The following RECQL5 variants were observed in gnomAD, a reference collection of about 807,000 sequenced individuals.
RECQL5 encodes the protein ATP-dependent DNA helicase Q5.
Under a neutral mutation model 103.4 loss-of-function variants are expected in RECQL5, and 88 were observed. The observed-to-expected ratio is 0.85, with a 90% CI of 0.72 to 1.02. RECQL5 has a LOEUF of 1.02. RECQL5 is among the 50% of genes least tolerant of loss of function. RECQL5 has a pLI of 0.00. For synonymous variants in RECQL5, 552 were observed against 507.9 expected, an observed-to-expected ratio of 1.09 and a Z score of -1.17; for missense variants, 1,232 against 1,284.3, an observed-to-expected ratio of 0.96 and a Z score of 0.62.
chr17:75,663,030 T>G (rs1568286546), intron 3 of RECQL5, 33 bp from the exon 4 acceptor site: 1 of 1,545,070 alleles, frequency 6.5e-7, no homozygotes, highest in Non-Finnish European at 8.7e-7. Flanking sequence ...TAACTGGCCC[T>G]CAGGACTCAG....
chr17:75,644,684 C>T (rs368582370), intron 8 of RECQL5, among the ~76,000 whole-genome samples: 3 of 152,142 alleles, frequency 2.0e-5, no homozygotes, highest in African/African-American at 7.2e-5. Context: ...TTCCTCCCAA[C>T]CGGGCATGGT....
intron 7 of RECQL5, 75 bp downstream of exon 7, chr17:75,658,223 G>T: frequency 6.7e-7 from 1 of 1,503,002 alleles, no homozygotes. Context: ...AGCATCATCA[G>T]AGTTCAGAAA....
At chr17:75,666,277 C>T (rs1246649215) in intron 2 of RECQL5, 151 bp downstream of exon 2, 7 of 919,966 alleles carry the variant, frequency 7.6e-6, no homozygotes, top group Non-Finnish European at 9.7e-6. Flanking sequence ...AACAAATAAA[C>T]GAAACTACAA....
intron 8 of RECQL5, among the ~76,000 whole-genome samples, chr17:75,644,914 G>A (rs2059472681): frequency 6.6e-6 from 1 of 151,888 alleles, no homozygotes; most frequent in African/African-American, 2.4e-5. Context: ...GAACACCTAA[G>A]TTCTCTACAC....
intron 8 of RECQL5, among the ~76,000 whole-genome samples, chr17:75,645,312 A>C (rs2059476434): frequency 6.6e-6 from 1 of 152,160 alleles, no homozygotes; most frequent in Admixed American, 6.5e-5. Context: ...TTCTTTCTCC[A>C]CTCGCTCTGA....
At chr17:75,650,269 A>G (rs2059538246) in intron 8 of RECQL5, 1 of 1,000,100 alleles carries the variant, frequency 1.0e-6, no homozygotes, top group Non-Finnish European at 1.2e-6. Context: ...AATTAGAGAC[A>G]GCAGTTTGGA....
chr17:75,660,921 A>T, intron 6 of RECQL5, 34 bp downstream of exon 6: 1 of 1,496,490 alleles, frequency 6.7e-7, no homozygotes, highest in Non-Finnish European at 9.3e-7. Context: ...AGCCAGGCCC[A>T]GACCAGGAGG....
intron 6 of RECQL5, among the ~76,000 whole-genome samples, chr17:75,659,061 TTTTTA>T (rs1046899782): frequency 1.8e-4 from 27 of 152,084 alleles, no homozygotes; most frequent in South Asian, 8.3e-4. Flanking sequence ...TTTTGCTTGT[TTTTTA>T]TTTTATTTTA....
chr17:75,631,497 G>A lies in RECQL5; in HGVS notation c.1401C>T (p.Asp467=), dbSNP rs367690981. The stretch of plus-strand genomic sequence containing the variant: ...TGCGGCCTCCCTCATACAGCTCGGG[G>A]TCAAAGCCGTTCCCCTGGGAGGGCC... The part of the protein sequence containing the change: ...CIGPSQGNGF[D]PELYEGGRKG... The change falls in exon 9 of 20, where the codon GAC becomes GAT. Residue 467 remains aspartate, a synonymous_variant. Transcript: ENST00000317905. 1.3e-5 allele frequency: 21 copies of A among 1,613,178 alleles called. No individual in the cohort carries two copies. The highest frequency in any genetic ancestry group is 9.9e-5 in the South Asian group (9 of 91,092).
At position 75,661,038 on chromosome 17, in the gene RECQL5, C is replaced by T. The variant is rs149970344; in HGVS notation, c.903G>A (p.Val301=). 660 of 1,614,080 alleles carry T rather than the reference C, an allele frequency of 4.1e-4. No homozygotes were observed. Among genetic ancestry groups the T allele is most frequent in the Non-Finnish European group, 5.2e-4 (614 of 1,180,026 alleles). Residue 301 remains valine (V), a synonymous_variant, in exon 6 of 20, where the codon GTG becomes GTA. Coordinates refer to ENST00000317905, the MANE Select transcript of RECQL5 (RefSeq NM_004259.7). ...AGLKASERTL[V]QNDWMEEKVP... is the part of the protein sequence containing the mutation. ...CCTTCTCCTCCATCCAGTCGTTCTG[C>T]ACCAGCGTTCTTTCAGAGGCCTTCA...
At chr17:75,647,676 T>A in intron 8 of RECQL5, 1 of 1,036,366 alleles carries the variant, frequency 9.6e-7, no homozygotes, top group East Asian at 2.6e-5. Flanking sequence ...AGCCCTGGTG[T>A]CTTCCTTTCC....
chr17:75,631,038 G>A, intron 10 of RECQL5, 28 bp from the exon 11 acceptor site: 1 of 1,613,240 alleles, frequency 6.2e-7, no homozygotes, highest in Non-Finnish European at 8.5e-7. Flanking sequence ...GGACCCATGA[G>A]GCGTCCTGCC....
chr17:75,654,328 C>T (rs528149875), intron 7 of RECQL5, among the ~76,000 whole-genome samples: 9 of 152,284 alleles, frequency 5.9e-5, no homozygotes, highest in Non-Finnish European at 1.0e-4. Flanking sequence ...ATGTTTAGAA[C>T]CTTCCTTCCT....
At chr17:75,656,074 C>CTT (rs762305753) in intron 7 of RECQL5, among the ~76,000 whole-genome samples, 2 of 151,950 alleles carry the variant, frequency 1.3e-5, no homozygotes, top group African/African-American at 4.8e-5. Flanking sequence ...AACTGGGGAG[C>CTT]TTTTTTTGGT....
In RECQL5 at chr17:75,661,730, G is replaced by A. The variant is rs753887224; in HGVS notation, c.772-22C>T. The A allele has an allele frequency of 3.8e-6, 6 of 1,568,308 alleles. No homozygotes were observed. In the East Asian group the frequency reaches 1.3e-4, roughly 35 times the overall value. On this transcript the variant is annotated intron_variant, in intron 4 of 19. Coordinates refer to ENST00000317905, the MANE Select transcript of RECQL5 (RefSeq NM_004259.7). ...ATAACTGAATGGGGAGATGCAGGAA[G>A]AAAATAAGCATAGCAAGAACAGAAC...
intron 8 of RECQL5, chr17:75,650,976 G>C: frequency 6.7e-7 from 1 of 1,491,138 alleles, no homozygotes; most frequent in Middle Eastern, 2.5e-4. Flanking sequence ...TCAGAATACT[G>C]AGCAAATCCC....
chr17:75,631,501 A>C lies in RECQL5; in HGVS notation c.1397T>G (p.Phe466Cys). The C allele has an allele frequency of 1.2e-6, 2 of 1,613,260 alleles. No individual in the cohort carries two copies. Among genetic ancestry groups the C allele is most frequent in the South Asian group, 2.2e-5 (2 of 91,084 alleles). ...GCCTCCCTCATACAGCTCGGGGTCA[A>C]AGCCGTTCCCCTGGGAGGGCCCGAT... ...TCIGPSQGNGFDPELYEGGRK... is the reference protein window; with the variant it reads ...TCIGPSQGNGCDPELYEGGRK... Residue 466 changes from phenylalanine (F) to cysteine (C), a missense_variant, in exon 9 of 20, where the codon TTT (phenylalanine) becomes TGT (cysteine). Phe to Cys is a radical substitution (Grantham distance 205). Coordinates refer to ENST00000317905, the MANE Select transcript of RECQL5 (RefSeq NM_004259.7).
intron 2 of RECQL5, 99 bp from the exon 3 acceptor site, chr17:75,665,271 G>T: frequency 9.0e-7 from 1 of 1,110,136 alleles, no homozygotes; most frequent in Non-Finnish European, 1.3e-6. Context: ...CTAGCAGAGT[G>T]TCTGGCACAT....
intron 8 of RECQL5, among the ~76,000 whole-genome samples, chr17:75,645,822 A>C (rs1239724078): frequency 2.0e-5 from 3 of 152,188 alleles, no homozygotes; most frequent in Non-Finnish European, 2.9e-5. Context: ...ACATCCTGGC[A>C]ACCCCAGAGA....
Sources: allele counts gnomAD v4.1 joint callset (sites outside exome capture counted in the v4.1 genomes callset), GRCh38; gene constraint gnomAD v4.1.1; transcripts MANE v1.5; gene names NCBI Gene and HGNC (gene_info 2026-07-23, HGNC 2026-07-21).